SGCZ: variants seen among roughly 807,000 people sequenced by gnomAD.
The protein encoded by SGCZ is sarcoglycan zeta.
SGCZ carries 40 observed loss-of-function variants against 41.3 expected under a neutral mutation model. That is an observed-to-expected ratio of 0.97 (90% confidence interval 0.75 to 1.26). The LOEUF is 1.26. SGCZ is among the 50% of genes most tolerant of loss of function. SGCZ has a pLI of 0.00. For missense variants in SGCZ, 552 were observed against 369.8 expected, an observed-to-expected ratio of 1.49 and a Z score of -4.04; for synonymous variants, 206 against 137.5, an observed-to-expected ratio of 1.50 and a Z score of -3.49.
intron 2 of SGCZ, among the ~76,000 whole-genome samples, chr8:14,335,864 G>A (rs931779274): frequency 7.9e-5 from 12 of 152,034 alleles, no homozygotes; most frequent in African/African-American, 2.7e-4. Flanking sequence ...TTGCAGGCAG[G>A]TATACAACAT....
chr8:14,222,792 A>ATTTTTTTTTTTT (rs775444301), intron 4 of SGCZ, among the ~76,000 whole-genome samples: 5 of 48,896 alleles, frequency 1.0e-4, no homozygotes, highest in African/African-American at 4.5e-4. Flanking sequence ...AGTCACAGTG[A>ATTTTTTTTTTTT]TTTTTTTTTT....
chr8:14,553,641 T>C (rs1803940674), intron 2 of SGCZ, among the ~76,000 whole-genome samples: 1 of 152,004 alleles, frequency 6.6e-6, no homozygotes, highest in South Asian at 2.1e-4. Flanking sequence ...GCTCACATAA[T>C]TGTGGTGCCT....
chr8:15,231,039 T>C (rs577377920), intron 1 of SGCZ, among the ~76,000 whole-genome samples: 1 of 152,284 alleles, frequency 6.6e-6, no homozygotes, highest in East Asian at 1.9e-4. Context: ...CAAATGAATT[T>C]CCTCAAACAC....
intron 1 of SGCZ, among the ~76,000 whole-genome samples, chr8:15,209,873 C>CA (rs1801185473): frequency 6.6e-6 from 1 of 152,138 alleles, no homozygotes; most frequent in Non-Finnish European, 1.5e-5. Context: ...ATGGGGGCTT[C>CA]TCCAACTTTG....
chr8:14,258,376 T>C (rs1799538418), intron 3 of SGCZ, among the ~76,000 whole-genome samples: 2 of 152,070 alleles, frequency 1.3e-5, no homozygotes, highest in African/African-American at 4.8e-5. Flanking sequence ...ACTTCCCTGA[T>C]CTCTCGGGAA....
rs57053529 is a variant in SGCZ at position 15,015,598 on chromosome 8, G to C, written c.39+221987C>G. Among the ~76,000 whole-genome samples the C allele has an allele frequency of 3.1e-3, 455 of 145,602 alleles. 1 individual carries two copies. The highest frequency in any genetic ancestry group is 0.011 in the African/African-American group (434 of 39,420). On this transcript the variant is annotated intron_variant, in intron 1 of 7. Coordinates refer to ENST00000382080, the MANE Select transcript of SGCZ (RefSeq NM_139167.4). ...GCTACCCGGAGAGGCTGAGGCAGGA[G>C]AATGGCGTGAACCCGGGAGGCAGAG...
intron 1 of SGCZ, among the ~76,000 whole-genome samples, chr8:15,222,234 G>T (rs1164886610): frequency 6.6e-6 from 1 of 152,112 alleles, no homozygotes; most frequent in Admixed American, 6.5e-5. Context: ...ATCCAATAAG[G>T]TTAAAATTAG....
intron 4 of SGCZ, among the ~76,000 whole-genome samples, chr8:14,208,264 A>T (rs938106158): frequency 1.3e-5 from 2 of 152,206 alleles, no homozygotes; most frequent in African/African-American, 4.8e-5. Flanking sequence ...CAATGCATAT[A>T]ATTAACAGGA....
At chr8:15,024,768 C>A (rs920881274) in intron 1 of SGCZ, among the ~76,000 whole-genome samples, 1 of 151,932 alleles carries the variant, frequency 6.6e-6, no homozygotes, top group African/African-American at 2.4e-5. Context: ...AACCCCATCT[C>A]TACTAAAAAT....
chr8:14,862,772 G>C (rs538915122), intron 1 of SGCZ, among the ~76,000 whole-genome samples: 133 of 151,926 alleles, frequency 8.8e-4, no homozygotes, highest in African/African-American at 3.1e-3. Context: ...ACTGACGAGA[G>C]CAGGAGGTGT....
intron 1 of SGCZ, among the ~76,000 whole-genome samples, chr8:14,785,401 G>T (rs1250915618): frequency 6.6e-6 from 1 of 152,018 alleles, no homozygotes; most frequent in African/African-American, 2.4e-5. Context: ...TCTGAAATCT[G>T]TATCCATATA....
intron 3 of SGCZ, among the ~76,000 whole-genome samples, chr8:14,307,350 G>C (rs1801383132): frequency 1.3e-5 from 2 of 152,194 alleles, no homozygotes; most frequent in Admixed American, 6.6e-5. Context: ...AATTTCAATA[G>C]TTCAAAACTT....
chr8:15,191,470 A>G (rs1213629080), intron 1 of SGCZ, among the ~76,000 whole-genome samples: 2 of 152,076 alleles, frequency 1.3e-5, no homozygotes, highest in African/African-American at 4.8e-5. Context: ...TAACCCTGAA[A>G]ACAATTTAAG....
chr8:14,711,701 A>C (rs1809524321), intron 1 of SGCZ, among the ~76,000 whole-genome samples: 1 of 151,836 alleles, frequency 6.6e-6, no homozygotes, highest in African/African-American at 2.4e-5. Flanking sequence ...TTTACCATGT[A>C]GCATTAGTGT....
At chr8:14,581,129 A>G (rs1804874424) in intron 1 of SGCZ, among the ~76,000 whole-genome samples, 1 of 152,114 alleles carries the variant, frequency 6.6e-6, no homozygotes, top group Non-Finnish European at 1.5e-5. Flanking sequence ...TATTTTTGAG[A>G]CAGTGTCTCG....
At chr8:14,790,805 T>C (rs1800925562) in intron 1 of SGCZ, among the ~76,000 whole-genome samples, 1 of 151,978 alleles carries the variant, frequency 6.6e-6, no homozygotes, top group African/African-American at 2.4e-5. Flanking sequence ...TCAAGGTGGG[T>C]GGATTACCTG....
At chr8:15,129,856 CCT>C (rs879423690) in intron 1 of SGCZ, among the ~76,000 whole-genome samples, 1 of 152,014 alleles carries the variant, frequency 6.6e-6, no homozygotes, top group African/African-American at 2.4e-5. Flanking sequence ...TGCTCCACGT[CCT>C]CTGTGTCCTC....
At chr8:14,581,327 G>C (rs528900150) in intron 1 of SGCZ, among the ~76,000 whole-genome samples, 2 of 152,054 alleles carry the variant, frequency 1.3e-5, no homozygotes, top group African/African-American at 4.8e-5. Flanking sequence ...GGCTGGTCTC[G>C]ACCTCCTGGC....
chr8:14,250,184 C>A (rs910999713), intron 3 of SGCZ, among the ~76,000 whole-genome samples: 1 of 152,126 alleles, frequency 6.6e-6, no homozygotes, highest in Non-Finnish European at 1.5e-5. Flanking sequence ...AAATGGACTT[C>A]CAAAAAGCTC....
Sources: gnomAD v4.1 joint callset for allele counts (sites outside exome capture counted in the v4.1 genomes callset) on GRCh38, gnomAD v4.1.1 for gene constraint, MANE v1.5 for transcripts, NCBI Gene and HGNC (gene_info 2026-07-23, HGNC 2026-07-21) for gene names.